Variants in CHL1 observed in about 807,000 individuals in gnomAD.
The protein encoded by CHL1 is cell adhesion molecule L1 like, also known as neural cell adhesion molecule L1-like protein.
In CHL1, 96 loss-of-function variants were observed where a neutral mutation model predicts 141.9. The observed-to-expected ratio is 0.68, with a 90% CI of 0.57 to 0.80. The LOEUF is 0.80. Among genes scored for constraint, CHL1 ranks in the 30% least tolerant of loss-of-function variants. The pLI, the probability that CHL1 is intolerant of heterozygous loss-of-function variation, is 0.00. For synonymous variants in CHL1, 613 were observed against 502.2 expected, an observed-to-expected ratio of 1.22 and a Z score of -2.95; for missense variants, 1,820 against 1,457.2, an observed-to-expected ratio of 1.25 and a Z score of -4.05.
At position 253,443 on chromosome 3, in the gene CHL1, G is replaced by A. The variant is rs115188172; in HGVS notation, c.-95+8751G>A. Among the ~76,000 whole-genome samples the A allele has an allele frequency of 3.4e-3, 516 of 152,294 alleles. 4 individuals carry two copies. The highest frequency in any genetic ancestry group is 0.012 in the African/African-American group (503 of 41,570). On this transcript the variant is annotated intron_variant, in intron 2 of 27. Coordinates refer to ENST00000256509, the MANE Select transcript of CHL1 (RefSeq NM_006614.4). ...GAATAAGCAAGAAAGTCTCAGAGGTGTTTGGGTTTCTGGATCCAGGGGTCC... is the reference window on the plus strand; with the variant it reads ...GAATAAGCAAGAAAGTCTCAGAGGTATTTGGGTTTCTGGATCCAGGGGTCC...
At chr3:271,532 A>G (rs908284017) in intron 2 of CHL1, among the ~76,000 whole-genome samples, 2 of 152,246 alleles carry the variant, frequency 1.3e-5, no homozygotes, top group African/African-American at 4.8e-5. Flanking sequence ...TGAGGTATCC[A>G]AAGAGAATTT....
chr3:348,735 C>A (rs1313716738), intron 9 of CHL1, among the ~76,000 whole-genome samples: 1 of 152,188 alleles, frequency 6.6e-6, no homozygotes, highest in Non-Finnish European at 1.5e-5. Context: ...GTTCATTCCT[C>A]CTTTCCTCTG....
At position 390,791 on chromosome 3, in the gene CHL1, T is replaced by C. The variant is rs1027096132; in HGVS notation, c.2561T>C (p.Val854Ala). ...TGGTCAACAGTTCCAAAGGACAGAG[T>C]ACATGGACGTCTGAAAGGCTATCAG... is the stretch of plus-strand genomic sequence containing the variant. ...VTWSTVPKDR[V>A]HGRLKGYQIN... Residue 854 changes from valine to alanine, a missense_variant, in exon 21 of 28, where the codon GTA (valine) becomes GCA (alanine). Coordinates refer to ENST00000256509, the MANE Select transcript of CHL1 (RefSeq NM_006614.4). 1 of 1,608,054 alleles carries C rather than the reference T, an allele frequency of 6.2e-7. No individual in the cohort carries two copies. The highest frequency in any genetic ancestry group is 8.5e-7 in the Non-Finnish European group (1 of 1,174,606).
At chr3:385,823 G>C (rs1707637283) in intron 19 of CHL1, 1 of 73,000 alleles carries the variant, frequency 1.4e-5, no homozygotes, top group African/African-American at 4.9e-5. Context: ...GCGAGACTCT[G>C]TCTCAAAAAA....
intron 12 of CHL1, 96 bp from the exon 13 acceptor site, chr3:361,601 TTC>T: frequency 1.3e-6 from 1 of 754,206 alleles, no homozygotes; most frequent in Non-Finnish European, 2.3e-6. Context: ...TTCTGCTGTT[TTC>T]TGTTTGTATT....
chr3:307,634 G>A lies in CHL1; in HGVS notation c.-94-12049G>A, dbSNP rs151131505. Among the ~76,000 whole-genome samples the A allele has an allele frequency of 7.9e-4, 120 of 152,112 alleles. 1 individual carries two copies. In the South Asian group the frequency reaches 0.017, roughly 22 times the overall value. ...GCTTGTGTCTGAGCAAACATTTCTA[G>A]CAAATCCACCAATATATACAACACT... On this transcript the variant is annotated intron_variant, in intron 2 of 27. Transcript: ENST00000256509.
At chr3:277,575 T>G (rs2125277617) in intron 2 of CHL1, among the ~76,000 whole-genome samples, 1 of 152,310 alleles carries the variant, frequency 6.6e-6, no homozygotes, top group Non-Finnish European at 1.5e-5. Context: ...TAAACTATAC[T>G]CACTGTACTT....
intron 2 of CHL1, among the ~76,000 whole-genome samples, chr3:315,122 A>G (rs937233554): frequency 2.6e-5 from 4 of 152,188 alleles, no homozygotes; most frequent in African/African-American, 7.2e-5. Flanking sequence ...CATTGCCACT[A>G]TCAACACAAT....
intron 3 of CHL1, among the ~76,000 whole-genome samples, chr3:324,668 T>G (rs1700865119): frequency 6.6e-6 from 1 of 151,758 alleles, no homozygotes; most frequent in Admixed American, 6.6e-5. Flanking sequence ...TGAAAGAGTC[T>G]CACTCTGTCA....
Position 388,296 on chromosome 3 carries a change from C to T in CHL1, c.2248-956C>T, listed in dbSNP as rs1218820580. On this transcript the variant is annotated intron_variant, in intron 19 of 27. Transcript: ENST00000256509. ...GGTGCTGTGGCCCATGCCTATAATC[C>T]CAGCACTCTGGGAGGCCGAGGCAGG... Among the ~76,000 whole-genome samples the T allele has an allele frequency of 5.3e-5, 8 of 152,228 alleles. No individual in the cohort carries two copies. In the South Asian group the frequency reaches 1.5e-3, roughly 28 times the overall value.
chr3:265,715 G>T (rs1695093708), intron 2 of CHL1, among the ~76,000 whole-genome samples: 1 of 152,130 alleles, frequency 6.6e-6, no homozygotes, highest in Non-Finnish European at 1.5e-5. Context: ...GTCAGAATTT[G>T]TATTTACAGT....
chr3:208,972 C>T (rs1254418739), intron 1 of CHL1, among the ~76,000 whole-genome samples: 1 of 152,020 alleles, frequency 6.6e-6, no homozygotes, highest in Non-Finnish European at 1.5e-5. Flanking sequence ...GCTTATTTTC[C>T]TCTGATGCTA....
intron 18 of CHL1, among the ~76,000 whole-genome samples, chr3:383,313 G>T (rs1439612920): frequency 6.6e-6 from 1 of 152,048 alleles, no homozygotes; most frequent in Non-Finnish European, 1.5e-5. Context: ...CTAATAAAAC[G>T]AATCCATCTA....
intron 1 of CHL1, among the ~76,000 whole-genome samples, chr3:237,201 G>A (rs189362005): frequency 1.3e-5 from 2 of 152,264 alleles, no homozygotes; most frequent in South Asian, 4.1e-4. Context: ...CCCCCATGCT[G>A]TTCTCATGAT....
chr3:197,592 T>C, intron 1 of CHL1: 1 of 351,060 alleles, frequency 2.8e-6, no homozygotes, highest in Non-Finnish European at 5.7e-6. Context: ...TGCCCCTGTG[T>C]GGCTCCTCCT....
chr3:395,527 C>A (rs897202490), intron 24 of CHL1, among the ~76,000 whole-genome samples: 1 of 152,018 alleles, frequency 6.6e-6, no homozygotes, highest in Admixed American at 6.6e-5. Flanking sequence ...AGCAACAGGA[C>A]CTTTGCAGAG....
intron 2 of CHL1, among the ~76,000 whole-genome samples, chr3:264,563 T>G (rs1048610499): frequency 6.6e-6 from 1 of 152,230 alleles, no homozygotes; most frequent in Non-Finnish European, 1.5e-5. Flanking sequence ...ATTGTGGACC[T>G]ACTGTGTTCC....
At chr3:279,031 C>T (rs1047464221) in intron 2 of CHL1, among the ~76,000 whole-genome samples, 5 of 151,754 alleles carry the variant, frequency 3.3e-5, no homozygotes, top group Non-Finnish European at 5.9e-5. Context: ...TGGGGACGCA[C>T]GAAAAAGGGA....
chr3:402,807 AAGAG>A (rs753487862), intron 27 of CHL1, among the ~76,000 whole-genome samples: 1 of 152,208 alleles, frequency 6.6e-6, no homozygotes, highest in Non-Finnish European at 1.5e-5. Context: ...GAAAGAAAGA[AAGAG>A]AGAAAAAGAA....
Sources: allele counts gnomAD v4.1 joint callset (sites outside exome capture counted in the v4.1 genomes callset), GRCh38; gene constraint gnomAD v4.1.1; transcripts MANE v1.5; gene names NCBI Gene and HGNC (gene_info 2026-07-23, HGNC 2026-07-21).